VEGFC: variants seen among roughly 807,000 people sequenced by gnomAD.
VEGFC encodes the protein vascular endothelial growth factor C, also known as FLT4 ligand DHM.
A neutral mutation model predicts 46.1 loss-of-function variants in VEGFC; 12 were observed. The ratio of observed to expected loss-of-function variants is 0.26; its 90% CI spans 0.17 to 0.42. The LOEUF (loss-of-function observed/expected upper bound fraction) is 0.42. VEGFC is among the 10% of genes least tolerant of loss of function. The pLI, the probability that VEGFC is intolerant of heterozygous loss-of-function variation, is 1.00. For missense variants in VEGFC, 488 were observed against 529.4 expected (o/e 0.92, Z 0.77); for synonymous variants, 232 against 195.5 (o/e 1.19, Z -1.56).
At chr4:176,783,012 T>C (rs1735942088) in intron 1 of VEGFC, among the ~76,000 whole-genome samples, 1 of 152,218 alleles carries the variant, frequency 6.6e-6, no homozygotes, top group Non-Finnish European at 1.5e-5. Context: ...GGGCCTCCAA[T>C]GCCCCCAGCA....
At position 176,783,130 on chromosome 4, in the gene VEGFC, A is replaced by G. The variant is rs563946824; in HGVS notation, c.147+9035T>C. ...CTATTTGGAATAAACTAGAGTACTCAAGCAAATCAGCTTACTCTCAGAGAA... is the reference window on the plus strand; with the variant it reads ...CTATTTGGAATAAACTAGAGTACTCGAGCAAATCAGCTTACTCTCAGAGAA... On this transcript the variant is annotated intron_variant, in intron 1 of 6. Coordinates refer to ENST00000618562, the MANE Select transcript of VEGFC (RefSeq NM_005429.5). Among the ~76,000 whole-genome samples the G allele has an allele frequency of 2.7e-3, 405 of 152,346 alleles. 2 individuals carry two copies. The highest frequency in any genetic ancestry group is 4.7e-3 in the Non-Finnish European group (320 of 68,026).
intron 1 of VEGFC, among the ~76,000 whole-genome samples, chr4:176,778,733 G>A (rs1186980007): frequency 2.0e-5 from 3 of 151,962 alleles, no homozygotes; most frequent in Non-Finnish European, 4.4e-5. Flanking sequence ...AACATGGCCC[G>A]GCGTCAACCC....
At chr4:176,737,260 A>AATATAGAATATGTTTATAATAT (rs1206267747) in intron 1 of VEGFC, among the ~76,000 whole-genome samples, 54 of 126,950 alleles carry the variant, frequency 4.3e-4, no homozygotes, top group African/African-American at 1.4e-3. Context: ...GTTAAATGTT[A>AATATAGAATATGTTTATAATAT]ATAAATATAG....
chr4:176,687,649 G>C (rs1003297004), intron 5 of VEGFC, 129 bp from the exon 6 acceptor site: 1 of 1,068,380 alleles, frequency 9.4e-7, no homozygotes, highest in East Asian at 2.6e-5. Flanking sequence ...ACATGAGTAT[G>C]TTCCTTTATA....
At chr4:176,710,562 A>G (rs1466204715) in intron 4 of VEGFC, among the ~76,000 whole-genome samples, 1 of 152,178 alleles carries the variant, frequency 6.6e-6, no homozygotes, top group Non-Finnish European at 1.5e-5. Flanking sequence ...CATGGTTTGC[A>G]TATTACATTT....
intron 1 of VEGFC, among the ~76,000 whole-genome samples, chr4:176,735,863 T>C (rs761019174): frequency 2.0e-5 from 3 of 152,066 alleles, no homozygotes; most frequent in Non-Finnish European, 4.4e-5. Flanking sequence ...CAGTGAATTA[T>C]ATAAAATTGT....
intron 1 of VEGFC, among the ~76,000 whole-genome samples, chr4:176,778,849 G>A (rs578203185): frequency 2.8e-4 from 42 of 151,982 alleles, no homozygotes; most frequent in African/African-American, 9.2e-4. Flanking sequence ...TCATAAACTC[G>A]AGATATTCCC....
chr4:176,792,380 C>A lies in VEGFC; in HGVS notation c.-69G>T. On this transcript the variant is annotated 5_prime_UTR_variant, in exon 1 of 7. Coordinates refer to ENST00000618562, the MANE Select transcript of VEGFC (RefSeq NM_005429.5). This position sits in a 1 kb window ranked among gnomAD's most constrained non-coding sequence, Gnocchi z 6.3. ...AGGGGTGGGGGCGCGGGCGCCCCTG[C>A]GAGGCCGCGGGCCCCTCCTGGTCCC... The A allele has an allele frequency of 3.9e-6, 5 of 1,274,014 alleles. No individual in the cohort carries two copies. Among genetic ancestry groups the A allele is most frequent in the South Asian group, 1.8e-5 (1 of 56,208 alleles). 78.9% of individuals were successfully genotyped at this position (1,274,014 alleles called of 1,614,324 possible). A position where few individuals can be genotyped will look rare whatever the true frequency, so the allele number is the denominator to read the frequency against.
chr4:176,711,429 C>T (rs1232678164), intron 4 of VEGFC, 70 bp downstream of exon 4: 5 of 1,491,268 alleles, frequency 3.4e-6, no homozygotes, highest in African/African-American at 1.4e-5. Context: ...ATTTGTTTAA[C>T]TTATGTTTAC....
chr4:176,694,838 C>T (rs1342787572), intron 4 of VEGFC, among the ~76,000 whole-genome samples: 1 of 146,060 alleles, frequency 6.8e-6, no homozygotes, highest in South Asian at 2.2e-4. Context: ...CTCAAAACTG[C>T]TCAACTACAT....
At chr4:176,782,168 T>A (rs1402586080) in intron 1 of VEGFC, among the ~76,000 whole-genome samples, 1 of 152,186 alleles carries the variant, frequency 6.6e-6, no homozygotes, top group African/African-American at 2.4e-5. Flanking sequence ...AAAGCACTTG[T>A]AAGAGAAAAA....
chr4:176,757,841 G>A (rs533821573), intron 1 of VEGFC, among the ~76,000 whole-genome samples: 4 of 152,024 alleles, frequency 2.6e-5, no homozygotes, highest in Admixed American at 2.0e-4. Context: ...AAGATTTGGT[G>A]TCCTAAAGGA....
At chr4:176,765,696 A>C (rs1360889528) in intron 1 of VEGFC, among the ~76,000 whole-genome samples, 1 of 151,804 alleles carries the variant, frequency 6.6e-6, no homozygotes, top group Non-Finnish European at 1.5e-5. Context: ...GCTGGACTAC[A>C]GGTGCCCGCC....
At chr4:176,714,979 C>G (rs1330561211) in intron 3 of VEGFC, among the ~76,000 whole-genome samples, 1 of 152,150 alleles carries the variant, frequency 6.6e-6, no homozygotes, top group Non-Finnish European at 1.5e-5. Flanking sequence ...AATAAGGAGA[C>G]AGGTAAAACA....
At chr4:176,768,916 A>C (rs1735677729) in intron 1 of VEGFC, among the ~76,000 whole-genome samples, 2 of 150,442 alleles carry the variant, frequency 1.3e-5, no homozygotes, top group Non-Finnish European at 3.0e-5. Context: ...ACCACCCCCC[A>C]CCCCCCGTGC....
intron 1 of VEGFC, among the ~76,000 whole-genome samples, chr4:176,780,067 T>G (rs949297168): frequency 1.3e-5 from 2 of 152,156 alleles, no homozygotes; most frequent in Non-Finnish European, 2.9e-5. Context: ...GCTTGGCATT[T>G]TACAGGGGTA....
At chr4:176,756,276 C>A (rs1027493472) in intron 1 of VEGFC, among the ~76,000 whole-genome samples, 28 of 151,952 alleles carry the variant, frequency 1.8e-4, no homozygotes, top group Non-Finnish European at 7.4e-5. Context: ...AGTCTAGGTT[C>A]TGGGCATTCA....
intron 4 of VEGFC, among the ~76,000 whole-genome samples, chr4:176,698,559 C>G (rs959668610): frequency 6.6e-6 from 1 of 152,028 alleles, no homozygotes; most frequent in African/African-American, 2.4e-5. Flanking sequence ...AGCTAATTAA[C>G]ATATCCACAC....
intron 4 of VEGFC, among the ~76,000 whole-genome samples, chr4:176,691,601 G>A (rs1417819289): frequency 6.6e-6 from 1 of 152,056 alleles, no homozygotes; most frequent in Non-Finnish European, 1.5e-5. Context: ...ATTGCTTTAT[G>A]CTGGTTAAAA....
Sources: allele counts gnomAD v4.1 joint callset (sites outside exome capture counted in the v4.1 genomes callset), GRCh38; gene constraint gnomAD v4.1.1; non-coding constraint Gnocchi (gnomAD v3.1); transcripts MANE v1.5; gene names NCBI Gene and HGNC (gene_info 2026-07-23, HGNC 2026-07-21).